Variants in SLC9C2 observed in about 807,000 individuals in gnomAD.
SLC9C2 encodes solute carrier family 9 member C2 (putative).
Under a neutral mutation model 140.2 loss-of-function variants are expected in SLC9C2, and 75 were observed. That is an observed-to-expected ratio of 0.53 (90% CI 0.44 to 0.65). The LOEUF (loss-of-function observed/expected upper bound fraction) is 0.65, where lower values mean the gene tolerates loss of function less well. Among genes scored for constraint, SLC9C2 ranks in the 30% least tolerant of loss-of-function variants. The pLI is 0.00. For missense variants in SLC9C2, 1,074 were observed against 1,331.8 expected, an observed-to-expected ratio of 0.81 and a Z score of 3.01; for synonymous variants, 375 against 420.9, an observed-to-expected ratio of 0.89 and a Z score of 1.34.
intron 13 of SLC9C2, among the ~76,000 whole-genome samples, chr1:173,540,633 C>T (rs765810505): frequency 2.0e-5 from 3 of 152,038 alleles, no homozygotes; most frequent in Non-Finnish European, 4.4e-5. Flanking sequence ...TGAGGCAACT[C>T]GGAAGACAGA....
intron 23 of SLC9C2, among the ~76,000 whole-genome samples, chr1:173,513,608 C>T (rs59024573): frequency 0.048 from 7,299 of 152,034 alleles, 628 homozygotes; most frequent in African/African-American, 0.17. Context: ...AATCAGCTCC[C>T]GGATTCATTC....
chr1:173,554,606 T>A, intron 11 of SLC9C2, 127 bp downstream of exon 11: 1 of 682,622 alleles, frequency 1.5e-6, no homozygotes, highest in South Asian at 1.9e-5. Flanking sequence ...AATATATGAA[T>A]AAATGAAAAA....
chr1:173,593,977 A>T (rs1161958152), intron 4 of SLC9C2, among the ~76,000 whole-genome samples: 4 of 152,350 alleles, frequency 2.6e-5, no homozygotes, highest in Non-Finnish European at 5.9e-5. Context: ...AATGGTGGAT[A>T]AAAGGTAACT....
intron 15 of SLC9C2, among the ~76,000 whole-genome samples, chr1:173,535,587 G>T (rs1202811634): frequency 6.6e-6 from 1 of 152,088 alleles, no homozygotes; most frequent in African/African-American, 2.4e-5. Flanking sequence ...CTCAGACACA[G>T]CAATTAAAAC....
rs151171230 is a variant in SLC9C2 at position 173,557,460 on chromosome 1, A to G, written c.1095T>C (p.Tyr365=). The G allele has an allele frequency of 3.7e-6, 6 of 1,613,844 alleles. No homozygotes were observed. Among genetic ancestry groups the G allele is most frequent in the Non-Finnish European group, 5.1e-6 (6 of 1,179,926 alleles). The change falls in exon 10 of 28, where the codon TAT becomes TAC. Residue 365 remains tyrosine, a synonymous_variant. Transcript: ENST00000367714. ...CAACTCCCCATCGCCAATTATATTC[A>G]TAATTTGAATGCATCAAAATAGGGC... ...LVSPILMHSN[Y]EYNWRWGVVI... is the part of the protein sequence containing the mutation.
At position 173,534,529 on chromosome 1, in the gene SLC9C2, T is replaced by A. The variant is rs776448356; in HGVS notation, c.1929A>T (p.Ile643=). 2.5e-6 allele frequency: 4 copies of A among 1,590,930 alleles called. No homozygotes were observed. The African/African-American group carries it at 5.4e-5, about 22-fold the overall frequency. ...RGLNVSALIS[I]NYYFMFLYVL... ...CATATAAAAACATAAAATAGTAGTT[T>A]ATTGATATCAGTGCTGATACATTTA... The change falls in exon 16 of 28, where the codon ATA becomes ATT. Residue 643 remains isoleucine, a synonymous_variant. Coordinates refer to ENST00000367714, the MANE Select transcript of SLC9C2 (RefSeq NM_178527.4).
chr1:173,534,961 C>CA (rs1433931369), intron 15 of SLC9C2, among the ~76,000 whole-genome samples: 3 of 151,542 alleles, frequency 2.0e-5, no homozygotes, highest in Non-Finnish European at 4.4e-5. Context: ...TAAATAAAAA[C>CA]AAAAAACAAA....
At chr1:173,539,668 G>A (rs561274475) in intron 13 of SLC9C2, among the ~76,000 whole-genome samples, 20 of 152,220 alleles carry the variant, frequency 1.3e-4, no homozygotes, top group African/African-American at 4.8e-4. Context: ...TAAAGAAGGA[G>A]AGACTATAAA....
chr1:173,516,828 C>G (rs1191716386), intron 23 of SLC9C2, among the ~76,000 whole-genome samples: 1 of 152,166 alleles, frequency 6.6e-6, no homozygotes, highest in South Asian at 2.1e-4. Context: ...TGGGTATATA[C>G]CCAGTAATGG....
chr1:173,556,018 A>G (rs1431689510), intron 10 of SLC9C2, among the ~76,000 whole-genome samples: 1 of 152,188 alleles, frequency 6.6e-6, no homozygotes, highest in Admixed American at 6.5e-5. Context: ...TAGTAAAGAG[A>G]AGTTCTAGGA....
At chr1:173,509,287 TA>T (rs908049591) in intron 24 of SLC9C2, among the ~76,000 whole-genome samples, 1 of 151,382 alleles carries the variant, frequency 6.6e-6, no homozygotes, top group African/African-American at 2.4e-5. Context: ...CTACTAATAA[TA>T]AAAAAAATTA....
intron 9 of SLC9C2, among the ~76,000 whole-genome samples, chr1:173,566,309 C>T (rs1664469540): frequency 6.6e-6 from 1 of 152,024 alleles, no homozygotes; most frequent in South Asian, 2.1e-4. Flanking sequence ...GCCATCAGGT[C>T]AGGGCTTATC....
intron 13 of SLC9C2, among the ~76,000 whole-genome samples, chr1:173,538,755 A>T (rs545776353): frequency 6.6e-6 from 1 of 152,210 alleles, no homozygotes; most frequent in Non-Finnish European, 1.5e-5. Context: ...TCTCTAGTGC[A>T]CGTACAGAGG....
rs1659681524 is a variant in SLC9C2 at position 173,506,932 on chromosome 1, A to G, written c.3149T>C (p.Val1050Ala). The part of the protein sequence containing the change: ...DNMTMKFVII[V>A]YGSVIDTKTE... ...CTTAGTATCAATTACACTGCCATACACAATGATAACAAATTTCATGGTCAT... is the reference window on the plus strand; with the variant it reads ...CTTAGTATCAATTACACTGCCATACGCAATGATAACAAATTTCATGGTCAT... Residue 1050 changes from valine to alanine, a missense_variant, in exon 25 of 28, where the codon GTG becomes GCG. Transcript: ENST00000367714. The G allele has an allele frequency of 2.5e-6, 4 of 1,613,646 alleles. No individual in the cohort carries two copies. Among genetic ancestry groups the G allele is most frequent in the Non-Finnish European group, 2.5e-6 (3 of 1,179,884 alleles).
intron 11 of SLC9C2, among the ~76,000 whole-genome samples, chr1:173,549,759 T>A (rs1663121156): frequency 6.6e-6 from 1 of 152,160 alleles, no homozygotes; most frequent in Non-Finnish European, 1.5e-5. Flanking sequence ...TGCTATACAA[T>A]CTTTATTCCA....
Position 173,509,619 on chromosome 1 carries a change from C to A in SLC9C2, c.2988G>T (p.Lys996Asn). ...ACTGATAGGCAGTACTGAGAGCAAGCTTTAGCCATATTTTATATTCCAGAG... is the reference window on the plus strand; with the variant it reads ...ACTGATAGGCAGTACTGAGAGCAAGATTTAGCCATATTTTATATTCCAGAG... ...WPSLEYKIWL[K>N]LALSTAYQYF... The change falls in exon 24 of 28, where the codon AAG (lysine) becomes AAT (asparagine). Residue 996 changes from lysine (K) to asparagine (N), a missense_variant. By Grantham distance (94) the Lys-to-Asn change is moderately conservative (BLOSUM62 0). Transcript: ENST00000367714. 1.9e-6 allele frequency: 3 copies of A among 1,598,584 alleles called. No homozygotes were observed. Among genetic ancestry groups the A allele is most frequent in the Non-Finnish European group, 2.6e-6 (3 of 1,175,532 alleles).
chr1:173,501,505 CTTTTTTT>C (rs35363966), intron 27 of SLC9C2, among the ~76,000 whole-genome samples: 2 of 96,316 alleles, frequency 2.1e-5, no homozygotes, highest in African/African-American at 4.0e-5. Context: ...TTATTTGACT[CTTTTTTT>C]TTTTTTTTTT....
At chr1:173,531,308 A>G (rs933360454) in intron 17 of SLC9C2, among the ~76,000 whole-genome samples, 1 of 152,132 alleles carries the variant, frequency 6.6e-6, no homozygotes, top group African/African-American at 2.4e-5. Flanking sequence ...TGCTGCCCAC[A>G]CTCTAAATGG....
chr1:173,589,824 A>G (rs1337855923), intron 4 of SLC9C2, among the ~76,000 whole-genome samples: 1 of 152,220 alleles, frequency 6.6e-6, no homozygotes, highest in African/African-American at 2.4e-5. Flanking sequence ...ACATATTGTT[A>G]AAGTAGTAAA....
Sources: gnomAD v4.1 joint callset for allele counts (sites outside exome capture counted in the v4.1 genomes callset) on GRCh38, gnomAD v4.1.1 for gene constraint, MANE v1.5 for transcripts, NCBI Gene and HGNC (gene_info 2026-07-23, HGNC 2026-07-21) for gene names.